WWOX: variants seen among roughly 807,000 people sequenced by gnomAD.
The protein encoded by WWOX is WW domain-containing oxidoreductase.
Under a neutral mutation model 46.2 loss-of-function variants are expected in WWOX, and 69 were observed. That is an observed-to-expected ratio of 1.49 (90% CI 1.23 to 1.82). The LOEUF is 1.82. WWOX is among the 40% of genes most tolerant of loss of function. The pLI is 0.00. For synonymous variants in WWOX, 359 were observed against 202.6 expected, an observed-to-expected ratio of 1.77 and a Z score of -6.56; for missense variants, 919 against 542.6, an observed-to-expected ratio of 1.69 and a Z score of -6.89.
chr16:79,105,081 A>T (rs5009397), intron 8 of WWOX, among the ~76,000 whole-genome samples: 27,842 of 151,996 alleles, frequency 0.18, 2,701 homozygotes, highest in East Asian at 0.35. Flanking sequence ...ACAGACTGGA[A>T]CCAGCACAGG....
chr16:79,209,844 C>G (rs1048189143), intron 8 of WWOX, among the ~76,000 whole-genome samples: 2 of 152,154 alleles, frequency 1.3e-5, no homozygotes, highest in Non-Finnish European at 2.9e-5. Flanking sequence ...AGGTGCTAAG[C>G]TCAGGGTTAT....
chr16:78,851,031 T>C (rs925766314), intron 8 of WWOX, among the ~76,000 whole-genome samples: 1 of 152,198 alleles, frequency 6.6e-6, no homozygotes, highest in Non-Finnish European at 1.5e-5. Flanking sequence ...TTTTAATGTA[T>C]TACATGTGAG....
intron 8 of WWOX, among the ~76,000 whole-genome samples, chr16:78,546,644 A>G (rs904071674): frequency 6.6e-6 from 1 of 152,204 alleles, no homozygotes; most frequent in Non-Finnish European, 1.5e-5. Context: ...CCCACTCCCT[A>G]AAGATTCTGA....
At chr16:78,949,277 A>G (rs967353069) in intron 8 of WWOX, among the ~76,000 whole-genome samples, 2 of 152,124 alleles carry the variant, frequency 1.3e-5, no homozygotes, top group East Asian at 1.9e-4. Context: ...GGGACTTCCA[A>G]CCCACAGCAA....
At chr16:78,131,682 A>G (rs1398226078) in intron 4 of WWOX, among the ~76,000 whole-genome samples, 1 of 151,192 alleles carries the variant, frequency 6.6e-6, no homozygotes, top group Non-Finnish European at 1.5e-5. Flanking sequence ...CCCAGGTTCA[A>G]GCGATTCTCC....
intron 8 of WWOX, among the ~76,000 whole-genome samples, chr16:78,812,816 T>C (rs2051225963): frequency 6.6e-6 from 1 of 152,220 alleles, no homozygotes; most frequent in South Asian, 2.1e-4. Flanking sequence ...AGACCCCATG[T>C]TTGTGTTATA....
At chr16:78,946,778 CG>C (rs36059573) in intron 8 of WWOX, among the ~76,000 whole-genome samples, 5,627 of 150,184 alleles carry the variant, frequency 0.037, 139 homozygotes, top group Non-Finnish European at 0.056. Context: ...AGTGAGCCCC[CG>C]GGGGAGCTCA....
chr16:78,954,138 A>G (rs2046117935), intron 8 of WWOX, among the ~76,000 whole-genome samples: 1 of 152,166 alleles, frequency 6.6e-6, no homozygotes, highest in African/African-American at 2.4e-5. Flanking sequence ...ATCTGCCATA[A>G]AAATGTCTGT....
intron 6 of WWOX, among the ~76,000 whole-genome samples, chr16:78,395,026 T>C (rs1471618075): frequency 6.6e-6 from 1 of 152,232 alleles, no homozygotes; most frequent in East Asian, 1.9e-4. Flanking sequence ...ATGCATGAAA[T>C]TACCAGACAC....
chr16:78,470,809 A>G (rs1386975951), intron 8 of WWOX, among the ~76,000 whole-genome samples: 2 of 151,986 alleles, frequency 1.3e-5, no homozygotes, highest in African/African-American at 2.4e-5. Flanking sequence ...GATTACAGTC[A>G]TGAGTCACCA....
intron 8 of WWOX, among the ~76,000 whole-genome samples, chr16:79,029,727 TTAA>T (rs2047716250): frequency 6.6e-6 from 1 of 152,258 alleles, no homozygotes; most frequent in Non-Finnish European, 1.5e-5. Context: ...TTTTGCATTT[TTAA>T]TATTTCCTTT....
chr16:78,262,310 A>C (rs759500722), intron 5 of WWOX, among the ~76,000 whole-genome samples: 1 of 152,146 alleles, frequency 6.6e-6, no homozygotes, highest in Non-Finnish European at 1.5e-5. Context: ...GATACAGAGA[A>C]TCTCTGGTAG....
At chr16:78,563,788 G>A (rs1277631644) in intron 8 of WWOX, among the ~76,000 whole-genome samples, 1 of 152,000 alleles carries the variant, frequency 6.6e-6, no homozygotes, top group Non-Finnish European at 1.5e-5. Flanking sequence ...TGTAAAAATG[G>A]CCACCAATTC....
At chr16:78,650,530 G>A (rs906487855) in intron 8 of WWOX, among the ~76,000 whole-genome samples, 1 of 152,076 alleles carries the variant, frequency 6.6e-6, no homozygotes, top group Non-Finnish European at 1.5e-5. Flanking sequence ...AGCCCGAGTC[G>A]TATGAATCCA....
rs199622402 is a variant in WWOX, at chr16:78,776,372, T to G, written c.1056+343620T>G. Among the ~76,000 whole-genome samples the G allele has an allele frequency of 2.6e-4, 39 of 152,264 alleles. No homozygotes were observed. The East Asian group carries it at 7.2e-3, about 28-fold the overall frequency. On this transcript the variant is annotated intron_variant, in intron 8 of 8. Coordinates refer to ENST00000566780, the MANE Select transcript of WWOX (RefSeq NM_016373.4). The stretch of plus-strand genomic sequence containing the variant: ...CCCTCTGCCTGGAGTCCTGCCTCTG[T>G]GACACTTGCTTACTGTGTGACCTGG...
intron 8 of WWOX, among the ~76,000 whole-genome samples, chr16:79,048,425 C>T (rs906825866): frequency 5.3e-5 from 8 of 152,004 alleles, no homozygotes; most frequent in African/African-American, 9.7e-5. Context: ...TACCGTCCCC[C>T]GTGATGTAAT....
chr16:78,882,342 C>T (rs577389287), intron 8 of WWOX, among the ~76,000 whole-genome samples: 1 of 152,174 alleles, frequency 6.6e-6, no homozygotes, highest in Non-Finnish European at 1.5e-5. Context: ...AGTTAAGCGA[C>T]TTGCCCAAAA....
At chr16:78,598,324 G>A (rs1166497853) in intron 8 of WWOX, among the ~76,000 whole-genome samples, 1 of 152,234 alleles carries the variant, frequency 6.6e-6, no homozygotes, top group African/African-American at 2.4e-5. Flanking sequence ...AAGACTGTCT[G>A]TCACGTGGGA....
intron 8 of WWOX, among the ~76,000 whole-genome samples, chr16:78,769,478 T>A: frequency 6.6e-6 from 1 of 152,090 alleles, no homozygotes; most frequent in Admixed American, 6.6e-5. Context: ...CTGTGACAGA[T>A]GGAGATAAAA....
Sources: allele counts gnomAD v4.1 joint callset (sites outside exome capture counted in the v4.1 genomes callset), GRCh38; gene constraint gnomAD v4.1.1; transcripts MANE v1.5; gene names NCBI Gene and HGNC (gene_info 2026-07-23, HGNC 2026-07-21).